BAHCC1: variants seen among roughly 807,000 people sequenced by gnomAD.
The protein encoded by BAHCC1 is BAH domain and coiled-coil containing 1, also known as BAH and coiled-coil domain-containing protein 1.
BAHCC1 carries 43 observed loss-of-function variants against 88.2 expected under a neutral mutation model. The ratio of observed to expected loss-of-function variants is 0.49; its 90% CI spans 0.38 to 0.63. The LOEUF (loss-of-function observed/expected upper bound fraction) is 0.63. Ranked by LOEUF, BAHCC1 falls within the 20% of genes least tolerant of loss-of-function variation. The pLI is 0.00. For synonymous variants in BAHCC1, 1,510 were observed against 745.5 expected (o/e 2.03, Z -16.71); for missense variants, 3,023 against 1,654.8 (o/e 1.83, Z -14.34).
At chr17:81,414,157 G>A (rs1014601839) in intron 2 of BAHCC1, among the ~76,000 whole-genome samples, 15 of 152,250 alleles carry the variant, frequency 9.9e-5, no homozygotes, top group Admixed American at 7.8e-4. Context: ...AGGACCAGCC[G>A]TGGCCCCCTC....
At chr17:81,398,729 G>C (rs2063771641) in intron 1 of BAHCC1, among the ~76,000 whole-genome samples, 1 of 151,990 alleles carries the variant, frequency 6.6e-6, no homozygotes, top group African/African-American at 2.4e-5. Flanking sequence ...ACAGCAGGCC[G>C]GGCACTGCGG....
rs1555653212 is a variant in BAHCC1 at position 81,443,213 on chromosome 17, G to C, written c.1864G>C (p.Glu622Gln). The change falls in exon 5 of 28, where the codon GAA (glutamate) becomes CAA (glutamine). Residue 622 changes from glutamate to glutamine, a missense_variant. By Grantham distance (29) the Glu-to-Gln change is conservative. Coordinates refer to ENST00000675386, the MANE Select transcript of BAHCC1 (RefSeq NM_001377448.1). ...GCAGCAGGCGGCTCTTCTGCCCCAG[G>C]AACTGCCTGCGCCGCCGGACGAGGT... is the stretch of plus-strand genomic sequence containing the variant. ...GLQQAALLPQ[E>Q]LPAPPDEVSA... 3 of 779,264 alleles carry C rather than the reference G, an allele frequency of 3.8e-6. No homozygotes were observed. The highest frequency in any genetic ancestry group is 3.4e-5 in the Admixed American group (2 of 59,010). 48.3% of individuals were successfully genotyped at this position (779,264 alleles called of 1,614,324 possible).
rs1555653540 is a variant in BAHCC1, at chr17:81,443,915, G to T, written c.2322G>T (p.Leu774=). 1 of 710,356 alleles carries T rather than the reference G, an allele frequency of 1.4e-6. No individual in the cohort carries two copies. Among genetic ancestry groups the T allele is most frequent in the Non-Finnish European group, 2.6e-6 (1 of 384,758 alleles). 44.0% of individuals were successfully genotyped at this position (710,356 alleles called of 1,614,324 possible). A position where few individuals can be genotyped will look rare whatever the true frequency, so the allele number is the denominator to read the frequency against. The change falls in exon 6 of 28, where the codon CTG becomes CTT. Residue 774 remains leucine (L), a splice_region_variant and synonymous_variant. Coordinates refer to ENST00000675386, the MANE Select transcript of BAHCC1 (RefSeq NM_001377448.1). Reference sequence around the variant, plus strand: ...GGCTTGCCAGCCGCGAGCTGCTGCTGCAGTGAGAGCTGGGCCTGTGGCCCT... The same window carrying T: ...GGCTTGCCAGCCGCGAGCTGCTGCTTCAGTGAGAGCTGGGCCTGTGGCCCT... ...RLGLASRELL[L]QDSKDRVEFA... is the part of the protein sequence containing the mutation.
At chr17:81,456,084 G>T (rs1287115746) in intron 15 of BAHCC1, 2 of 539,408 alleles carry the variant, frequency 3.7e-6, no homozygotes, top group East Asian at 6.6e-5. Flanking sequence ...GCAGTTGGTG[G>T]GCAGTGGGTT....
chr17:81,438,543 AG>A, intron 4 of BAHCC1, 51 bp downstream of exon 4: 1 of 731,486 alleles, frequency 1.4e-6, no homozygotes, highest in East Asian at 2.6e-5. Flanking sequence ...GGAGGTGGGG[AG>A]GGGGCGCAGG....
rs536403434 is a variant in BAHCC1, at chr17:81,459,181, C to A, written c.5720+13C>A. The stretch of plus-strand genomic sequence containing the variant: ...AGCCACCCGACATGTGAGGCCTGGG[C>A]ATGGTGGGGCAGGGCAGGGGCCTGG... On this transcript the variant is annotated intron_variant, in intron 21 of 27. Coordinates refer to ENST00000675386, the MANE Select transcript of BAHCC1 (RefSeq NM_001377448.1). 17 of 768,038 alleles carry A rather than the reference C, an allele frequency of 2.2e-5. No individual in the cohort carries two copies. The highest frequency in any genetic ancestry group is 2.1e-4 in the South Asian group (15 of 73,126). 47.6% of individuals were successfully genotyped at this position (768,038 alleles called of 1,614,324 possible).
intron 3 of BAHCC1, among the ~76,000 whole-genome samples, chr17:81,429,690 A>C (rs999895073): frequency 1.3e-5 from 2 of 152,160 alleles, no homozygotes; most frequent in Non-Finnish European, 2.9e-5. Context: ...GGCCTTGCCC[A>C]CGTTTCCTCC....
Position 81,464,164 on chromosome 17 carries a change from G to C in BAHCC1, c.*347G>C. The C allele has an allele frequency of 2.6e-6, 1 of 378,332 alleles. No individual in the cohort carries two copies. Among genetic ancestry groups the C allele is most frequent in the Non-Finnish European group, 4.9e-6 (1 of 203,952 alleles). The allele number at this position is 378,332 out of a possible 1,614,324, so 23.4% of individuals were successfully genotyped here. A position where few individuals can be genotyped will look rare whatever the true frequency, so the allele number is the denominator to read the frequency against. ...TAGTACCTCCGACTGTCTCCCACCA[G>C]GGAAAGCAGAAATCAGGTGTGTTGT... On this transcript the variant is annotated 3_prime_UTR_variant, in exon 28 of 28. Transcript: ENST00000675386.
chr17:81,428,202 C>G (rs1356505701), intron 3 of BAHCC1, among the ~76,000 whole-genome samples: 2 of 152,208 alleles, frequency 1.3e-5, no homozygotes, highest in Non-Finnish European at 2.9e-5. Context: ...GAGGGGAGAC[C>G]AGGCTGGCCA....
chr17:81,425,356 TAGTGGTGGGTG>T (rs2064170875), intron 2 of BAHCC1, among the ~76,000 whole-genome samples: 1 of 131,912 alleles, frequency 7.6e-6, no homozygotes, highest in African/African-American at 2.9e-5. Context: ...TTGGTGGTGA[TAGTGGTGGGTG>T]ATGTGGTTGG....
At chr17:81,398,893 T>G in intron 1 of BAHCC1, among the ~76,000 whole-genome samples, 2 of 142,612 alleles carry the variant, frequency 1.4e-5, no homozygotes, top group Non-Finnish European at 1.5e-5. Flanking sequence ...GGCCGAAAGA[T>G]GCATGAGGGG....
rs567719357 is a variant in BAHCC1 at position 81,443,518 on chromosome 17, C to T, written c.2169C>T (p.Tyr723=). Residue 723 remains tyrosine (Y), a synonymous_variant, in exon 5 of 28, where the codon TAC becomes TAT. Coordinates refer to ENST00000675386, the MANE Select transcript of BAHCC1 (RefSeq NM_001377448.1). The part of the protein sequence containing the change: ...KDTVSRSEAA[Y]GTNTARQGRA... ...CAGTGAGCCGGTCTGAGGCAGCCTA[C>T]GGCACCAACACTGCGCGGCAGGGCC... The T allele has an allele frequency of 7.8e-5, 54 of 688,034 alleles. No individual in the cohort carries two copies. The African/African-American group carries it at 7.9e-4, about 10-fold the overall frequency. 42.6% of individuals were successfully genotyped at this position (688,034 alleles called of 1,614,324 possible).
intron 2 of BAHCC1, among the ~76,000 whole-genome samples, chr17:81,420,259 C>T (rs1555649449): frequency 5.9e-5 from 9 of 152,200 alleles, no homozygotes; most frequent in Admixed American, 2.0e-4. Flanking sequence ...TAGTTCCCAT[C>T]GGCTGTCCTG....
intron 14 of BAHCC1, 122 bp downstream of exon 14, chr17:81,452,973 T>G: frequency 1.7e-6 from 1 of 588,170 alleles, no homozygotes; most frequent in African/African-American, 2.0e-5. Context: ...ACACCTACTC[T>G]GAAGGCCTGG....
intron 11 of BAHCC1, 34 bp from the exon 12 acceptor site, chr17:81,451,634 G>A: frequency 2.6e-6 from 2 of 762,602 alleles, no homozygotes; most frequent in Non-Finnish European, 4.8e-6. Context: ...TGTGTGCCCA[G>A]TTATGCCCAT....
chr17:81,419,031 CACT>C (rs2143336736), intron 2 of BAHCC1, among the ~76,000 whole-genome samples: 1 of 152,218 alleles, frequency 6.6e-6, no homozygotes, highest in East Asian at 1.9e-4. Context: ...GAGTCTGGAC[CACT>C]AGTGATTGCA....
In BAHCC1 at chr17:81,442,750, C is replaced by T. The variant is rs781836767; in HGVS notation, c.1401C>T (p.Gly467=). The change falls in exon 5 of 28, where the codon GGC becomes GGT. Residue 467 remains glycine, a synonymous_variant. Coordinates refer to ENST00000675386, the MANE Select transcript of BAHCC1 (RefSeq NM_001377448.1). ...FEAALNPRLK[G]LDYLSSAGPE... ...CGGCCCTCAACCCCCGGCTAAAGGG[C>T]CTCGACTATCTCAGCAGCGCAGGCC... 1 of 778,898 alleles carries T rather than the reference C, an allele frequency of 1.3e-6. No individual in the cohort carries two copies. The highest frequency in any genetic ancestry group is 2.4e-6 in the Non-Finnish European group (1 of 417,676). The allele number at this position is 778,898 out of a possible 1,614,324, so 48.2% of individuals were successfully genotyped here. A position where few individuals can be genotyped will look rare whatever the true frequency, so the allele number is the denominator to read the frequency against.
intron 2 of BAHCC1, chr17:81,415,408 A>G: frequency 5.4e-6 from 2 of 367,622 alleles, no homozygotes; most frequent in South Asian, 4.0e-5. Context: ...TGAGACACAG[A>G]GTTTGGCAGG....
At chr17:81,439,412 C>T (rs1555652184) in intron 4 of BAHCC1, among the ~76,000 whole-genome samples, 1 of 151,962 alleles carries the variant, frequency 6.6e-6, no homozygotes, top group East Asian at 1.9e-4. Context: ...GTCTAGGTGG[C>T]CCCCGGTTTC....
Sources: gnomAD v4.1 joint callset for allele counts (sites outside exome capture counted in the v4.1 genomes callset) on GRCh38, gnomAD v4.1.1 for gene constraint, MANE v1.5 for transcripts, NCBI Gene and HGNC (gene_info 2026-07-23, HGNC 2026-07-21) for gene names.